Variants in PPP2R2C observed in about 807,000 individuals in gnomAD.
PPP2R2C encodes protein phosphatase 2 regulatory subunit Bgamma, also known as protein phosphatase 2, regulatory subunit B, gamma.
Under a neutral mutation model 45.3 loss-of-function variants are expected in PPP2R2C, and 10 were observed. The observed-to-expected ratio is 0.22, with a 90% confidence interval of 0.14 to 0.37. The LOEUF is 0.37. Ranked by LOEUF, PPP2R2C falls within the 10% of genes least tolerant of loss-of-function variation. PPP2R2C has a pLI of 1.00. For synonymous variants in PPP2R2C, 257 were observed against 245.4 expected (o/e 1.05, Z -0.44); for missense variants, 308 against 619.7 (o/e 0.50, Z 5.34).
chr4:6,329,546 T>C lies in PPP2R2C; in HGVS notation c.961-193A>G, dbSNP rs186289896. 5.9e-3 allele frequency among the ~76,000 whole-genome samples: 888 copies of C among 150,558 alleles called. 9 individuals carry two copies. Among genetic ancestry groups the C allele is most frequent in the African/African-American group, 0.02 (819 of 40,838 alleles). On this transcript the variant is annotated intron_variant, in intron 7 of 8. Transcript: ENST00000382599. This position sits in a 1 kb window ranked among gnomAD's most constrained non-coding sequence, Gnocchi z 5.8. ...CCTGCTCATCTCATCGGGAGGCCCA[T>C]GACCAGGCACACGGCTGACCCCGAC...
chr4:6,439,595 C>T (rs114009487), intron 1 of PPP2R2C, among the ~76,000 whole-genome samples: 52 of 152,316 alleles, frequency 3.4e-4, no homozygotes, highest in Non-Finnish European at 5.3e-4. Context: ...CAGCCCCTCC[C>T]GCTTCGTCTC....
intron 1 of PPP2R2C, among the ~76,000 whole-genome samples, chr4:6,443,902 A>C (rs1273052765): frequency 1.3e-5 from 2 of 152,054 alleles, no homozygotes; most frequent in Admixed American, 6.6e-5. Flanking sequence ...AGTGCTAGGC[A>C]GCTCCAACAC....
At chr4:6,415,695 G>A (rs953176056) in intron 1 of PPP2R2C, among the ~76,000 whole-genome samples, 1 of 152,194 alleles carries the variant, frequency 6.6e-6, no homozygotes, top group African/African-American at 2.4e-5. Flanking sequence ...GCAGAAGCGG[G>A]CAGCAGTGAG....
At chr4:6,479,191 T>G (rs1386045371) in intron 2 of PPP2R2C, among the ~76,000 whole-genome samples, 1 of 152,220 alleles carries the variant, frequency 6.6e-6, no homozygotes, top group Non-Finnish European at 1.5e-5. Flanking sequence ...ATTCCAGGGC[T>G]GGTATAGTCA....
chr4:6,485,182 A>G (rs768230458), intron 2 of PPP2R2C, among the ~76,000 whole-genome samples: 6 of 151,918 alleles, frequency 3.9e-5, no homozygotes, highest in Admixed American at 3.9e-4. Context: ...AGGTTTTTAT[A>G]AATTGTTAAT....
In PPP2R2C at chr4:6,559,279, C is replaced by T. The variant is rs545870049; in HGVS notation, c.-59+4281G>A. Among the ~76,000 whole-genome samples, 61 of 152,134 alleles carry T rather than the reference C, an allele frequency of 4.0e-4. 2 individuals are homozygous for T. The East Asian group carries it at 0.011, about 26-fold the overall frequency. On this transcript the variant is annotated intron_variant, in intron 1 of 9. Transcript: ENST00000506140. ...TAAAACCGGGGGCAGTGGGCACGTC[C>T]ACACCCTCACAAGTTGACTTGAGGA...
chr4:6,511,300 G>T (rs1046488463), intron 2 of PPP2R2C, among the ~76,000 whole-genome samples: 1 of 149,592 alleles, frequency 6.7e-6, no homozygotes, highest in African/African-American at 2.5e-5. Flanking sequence ...GCTGATGGTG[G>T]TGGTGATGGT....
intron 1 of PPP2R2C, among the ~76,000 whole-genome samples, chr4:6,386,247 G>A (rs4490526): frequency 0.93 from 142,356 of 152,288 alleles, 66,621 homozygotes; most frequent in East Asian, 1. Flanking sequence ...CACAGCCTGA[G>A]GACAAGTCCC....
chr4:6,495,101 A>C (rs1722834784), intron 2 of PPP2R2C, among the ~76,000 whole-genome samples: 1 of 152,136 alleles, frequency 6.6e-6, no homozygotes, highest in African/African-American at 2.4e-5. Flanking sequence ...TCTCCTACCC[A>C]TCCAGCCTGC....
intron 1 of PPP2R2C, among the ~76,000 whole-genome samples, chr4:6,546,340 A>C (rs1724983582): frequency 6.6e-6 from 1 of 152,192 alleles, no homozygotes; most frequent in African/African-American, 2.4e-5. Context: ...GACACACAGC[A>C]TGTGCTTTAA....
At chr4:6,469,614 G>A (rs928523024) in intron 1 of PPP2R2C, among the ~76,000 whole-genome samples, 1 of 152,288 alleles carries the variant, frequency 6.6e-6, no homozygotes, top group Non-Finnish European at 1.5e-5. Context: ...ATGAAAGGTC[G>A]TTATTATTTC....
At chr4:6,494,057 T>C (rs1470834330) in intron 2 of PPP2R2C, among the ~76,000 whole-genome samples, 3 of 152,144 alleles carry the variant, frequency 2.0e-5, no homozygotes, top group Non-Finnish European at 2.9e-5. Flanking sequence ...CACCTTAGGG[T>C]CTGTCTGATT....
intron 1 of PPP2R2C, among the ~76,000 whole-genome samples, chr4:6,402,896 GCAGA>G (rs1287052569): frequency 6.6e-6 from 1 of 152,224 alleles, no homozygotes; most frequent in Non-Finnish European, 1.5e-5. Flanking sequence ...GACCTCAACG[GCAGA>G]CAGAGGCCTC....
intron 5 of PPP2R2C, among the ~76,000 whole-genome samples, chr4:6,355,844 A>G (rs184529507): frequency 1.4e-4 from 21 of 151,018 alleles, no homozygotes; most frequent in African/African-American, 3.9e-4. Flanking sequence ...TACAAAAAAA[A>G]TTAGCTGGGC....
At chr4:6,395,800 G>A (rs927175824) in intron 1 of PPP2R2C, among the ~76,000 whole-genome samples, 6 of 152,174 alleles carry the variant, frequency 3.9e-5, no homozygotes, top group Non-Finnish European at 8.8e-5. Context: ...CTGATCTCCT[G>A]AGGACCCTCT....
intron 1 of PPP2R2C, among the ~76,000 whole-genome samples, chr4:6,467,260 CTT>C (rs1312990021): frequency 6.6e-6 from 1 of 152,218 alleles, no homozygotes; most frequent in East Asian, 1.9e-4. Context: ...TGTCCCCCCT[CTT>C]AGCCTCAGTT....
At chr4:6,541,549 T>C (rs1160735019) in intron 1 of PPP2R2C, among the ~76,000 whole-genome samples, 2 of 152,092 alleles carry the variant, frequency 1.3e-5, no homozygotes, top group African/African-American at 4.8e-5. Flanking sequence ...TTGTTTCGTT[T>C]GTTTGTTTGT....
At chr4:6,342,866 G>C (rs1733562244) in intron 6 of PPP2R2C, among the ~76,000 whole-genome samples, 1 of 152,226 alleles carries the variant, frequency 6.6e-6, no homozygotes, top group South Asian at 2.1e-4. Flanking sequence ...AAGTCACAGA[G>C]CTTCTCGGAC....
At chr4:6,558,923 AG>A (rs1267691895) in intron 1 of PPP2R2C, among the ~76,000 whole-genome samples, 1 of 152,152 alleles carries the variant, frequency 6.6e-6, no homozygotes, top group Non-Finnish European at 1.5e-5. Flanking sequence ...GCACCCTCAC[AG>A]GTGCCCATCC....
Sources: allele counts gnomAD v4.1 joint callset (sites outside exome capture counted in the v4.1 genomes callset), GRCh38; gene constraint gnomAD v4.1.1; non-coding constraint Gnocchi (gnomAD v3.1); transcripts MANE v1.5; gene names NCBI Gene and HGNC (gene_info 2026-07-23, HGNC 2026-07-21).